The following RPH3AL variants were observed in gnomAD, a reference collection of about 807,000 sequenced individuals.
The protein encoded by RPH3AL is rabphilin 3A like (without C2 domains).
In RPH3AL, 38 loss-of-function variants were observed where a neutral mutation model predicts 43.1. The observed-to-expected ratio is 0.88, with a 90% CI of 0.68 to 1.15. The LOEUF is 1.15. RPH3AL is among the 50% of genes most tolerant of loss of function. The probability of loss-of-function intolerance (pLI) is 0.00; values close to 1 mark genes in which losing one functional copy is unlikely to be tolerated. For synonymous variants in RPH3AL, 189 were observed against 176.3 expected (o/e 1.07, Z -0.57); for missense variants, 462 against 423.2 (o/e 1.09, Z -0.81).
chr17:230,752 T>G (rs1325625061), intron 7 of RPH3AL, among the ~76,000 whole-genome samples: 1 of 152,190 alleles, frequency 6.6e-6, no homozygotes, highest in East Asian at 1.9e-4. Context: ...GGACGTGCTT[T>G]CGGGTGCATC....
rs908697185 is a variant in RPH3AL, at chr17:328,495, C to A, written c.-36-916G>T. Among the ~76,000 whole-genome samples the A allele has an allele frequency of 6.6e-5, 10 of 152,050 alleles. No homozygotes were observed. The highest frequency in any genetic ancestry group is 2.2e-4 in the African/African-American group (9 of 41,368). On this transcript the variant is annotated intron_variant, in intron 2 of 9. Coordinates refer to ENST00000331302, the MANE Select transcript of RPH3AL (RefSeq NM_006987.4). This position sits in a 1 kb window ranked among gnomAD's most constrained non-coding sequence, Gnocchi z 4.2. ...ATCCAGGTTCGAAATCCGTTTGACACTTCCTCAAAATGTTGAACACAGACT... is the reference window on the plus strand; with the variant it reads ...ATCCAGGTTCGAAATCCGTTTGACAATTCCTCAAAATGTTGAACACAGACT...
At chr17:269,650 G>A (rs1270339910) in intron 6 of RPH3AL, among the ~76,000 whole-genome samples, 1 of 152,236 alleles carries the variant, frequency 6.6e-6, no homozygotes, top group African/African-American at 2.4e-5. Context: ...CTGTCACAGA[G>A]GACAATGGGC....
rs2044354014 is a variant in RPH3AL, at chr17:318,189, C to A, written c.351+1231G>T. Among the ~76,000 whole-genome samples, 6 of 152,086 alleles carry A rather than the reference C, an allele frequency of 3.9e-5. 2 individuals are homozygous for A. The South Asian group carries it at 1.2e-3, about 32-fold the overall frequency. ...CCTGAGGTCAGGAGTTCAAGACCAG[C>A]CTGGCCAACATGGTGAAACCCTGTC... On this transcript the variant is annotated intron_variant, in intron 5 of 9. Coordinates refer to ENST00000331302, the MANE Select transcript of RPH3AL (RefSeq NM_006987.4).
At chr17:275,506 T>C (rs1196978505) in intron 6 of RPH3AL, among the ~76,000 whole-genome samples, 3 of 152,060 alleles carry the variant, frequency 2.0e-5, no homozygotes, top group Non-Finnish European at 4.4e-5. Flanking sequence ...ACGACTCCAG[T>C]GGTAATTAGT....
chr17:343,632 T>C (rs940804569), intron 1 of RPH3AL, among the ~76,000 whole-genome samples: 2 of 152,174 alleles, frequency 1.3e-5, no homozygotes, highest in African/African-American at 4.8e-5. Flanking sequence ...TTGGGAAGAA[T>C]AAATTCAACC....
At chr17:291,001 T>G (rs112116727) in intron 5 of RPH3AL, among the ~76,000 whole-genome samples, 2 of 151,824 alleles carry the variant, frequency 1.3e-5, no homozygotes, top group South Asian at 4.2e-4. Flanking sequence ...GGGCTGTTCA[T>G]GAGCCTCACT....
intron 1 of RPH3AL, among the ~76,000 whole-genome samples, chr17:347,025 G>A (rs947415246): frequency 1.5e-5 from 2 of 135,192 alleles, no homozygotes; most frequent in South Asian, 2.4e-4. Context: ...TTGGGAGGCC[G>A]AGGCGGGAGG....
In RPH3AL at chr17:215,693, C is replaced by T. The variant is rs377405189; in HGVS notation, c.837G>A (p.Pro279=). The part of the protein sequence containing the change: ...SGETGTGSAD[P]PGGPRPGLTR... ...TCAGCCCGGGGCGGGGTCCCCCTGGCGGGTCAGCAGAGCCTGTCCCCGTCT... is the reference window on the plus strand; with the variant it reads ...TCAGCCCGGGGCGGGGTCCCCCTGGTGGGTCAGCAGAGCCTGTCCCCGTCT... The change falls in exon 9 of 10, where the codon CCG becomes CCA. Residue 279 remains proline (P), a synonymous_variant. Coordinates refer to ENST00000331302, the MANE Select transcript of RPH3AL (RefSeq NM_006987.4). This position sits in a 1 kb window ranked among gnomAD's most constrained non-coding sequence, Gnocchi z 4.1. 58 of 1,275,158 alleles carry T rather than the reference C, an allele frequency of 4.5e-5. No individual in the cohort carries two copies. The highest frequency in any genetic ancestry group is 8.3e-5 in the Admixed American group (2 of 24,216). 79.0% of individuals were successfully genotyped at this position (1,275,158 alleles called of 1,614,324 possible). A position where few individuals can be genotyped will look rare whatever the true frequency, so the allele number is the denominator to read the frequency against.
intron 7 of RPH3AL, among the ~76,000 whole-genome samples, chr17:228,285 C>G (rs1049434131): frequency 6.6e-6 from 1 of 152,216 alleles, no homozygotes; most frequent in Admixed American, 6.5e-5. Context: ...TCAAACAATC[C>G]TCCCGCCTCG....
At chr17:317,929 T>TCCTCCAC (rs965119784) in intron 5 of RPH3AL, among the ~76,000 whole-genome samples, 2 of 70,308 alleles carry the variant, frequency 2.8e-5, no homozygotes, top group African/African-American at 1.1e-4. Flanking sequence ...CCATCCTCCA[T>TCCTCCAC]CCTCCACCCT....
At chr17:327,620 G>A (rs1041961553) in intron 2 of RPH3AL, 41 bp from the exon 3 acceptor site, 4 of 1,364,236 alleles carry the variant, frequency 2.9e-6, no homozygotes, top group East Asian at 2.4e-5. Flanking sequence ...TGCATCATTG[G>A]CTGGGGTACA....
At chr17:308,212 C>T (rs1203560061) in intron 5 of RPH3AL, among the ~76,000 whole-genome samples, 1 of 152,238 alleles carries the variant, frequency 6.6e-6, no homozygotes, top group Admixed American at 6.5e-5. Flanking sequence ...GCTGCTTCTA[C>T]AGCTCCAGCA....
At chr17:243,353 C>CCCTTCCTCTATTGATTAT (rs2041631882) in intron 7 of RPH3AL, among the ~76,000 whole-genome samples, 7 of 138,006 alleles carry the variant, frequency 5.1e-5, no homozygotes, top group Non-Finnish European at 9.6e-5. Context: ...CTACTGATTA[C>CCCTTCCTCTATTGATTAT]CCTTCCTCTA....
At chr17:253,709 C>T (rs11653399) in intron 6 of RPH3AL, among the ~76,000 whole-genome samples, 7,251 of 89,096 alleles carry the variant, frequency 0.081, 709 homozygotes, top group East Asian at 0.19. Flanking sequence ...TGAGGGGAGC[C>T]GCACGGCGTC....
At position 328,706 on chromosome 17, in the gene RPH3AL, T is replaced by G. The variant is rs562272960; in HGVS notation, c.-36-1127A>C. Among the ~76,000 whole-genome samples the G allele has an allele frequency of 3.9e-5, 6 of 152,156 alleles. No homozygotes were observed. Among genetic ancestry groups the G allele is most frequent in the South Asian group, 4.1e-4 (2 of 4,832 alleles). ...TGTGCTATATCCATACGATGATTAT[T>G]ATTTACAATGGATTATGATTTACAA... On this transcript the variant is annotated intron_variant, in intron 2 of 9. Coordinates refer to ENST00000331302, the MANE Select transcript of RPH3AL (RefSeq NM_006987.4). This position sits in a 1 kb window ranked among gnomAD's most constrained non-coding sequence, Gnocchi z 4.2.
intron 6 of RPH3AL, among the ~76,000 whole-genome samples, chr17:268,556 T>TG (rs973749426): frequency 8.1e-6 from 1 of 123,276 alleles, no homozygotes; most frequent in Non-Finnish European, 1.7e-5. Flanking sequence ...TTTTTGGGTT[T>TG]TTTTTTTTTT....
intron 5 of RPH3AL, among the ~76,000 whole-genome samples, chr17:307,447 C>A (rs193023807): frequency 6.6e-6 from 1 of 152,236 alleles, no homozygotes; most frequent in Non-Finnish European, 1.5e-5. Flanking sequence ...CTCCCCACAG[C>A]AGGTCTGCCC....
At chr17:335,179 C>T (rs572998686) in intron 1 of RPH3AL, among the ~76,000 whole-genome samples, 12 of 152,080 alleles carry the variant, frequency 7.9e-5, no homozygotes, top group Non-Finnish European at 1.5e-4. Context: ...GACCCCCGAG[C>T]GACTGTGACA....
chr17:241,711 C>CTTTTT (rs1001979455), intron 7 of RPH3AL, among the ~76,000 whole-genome samples: 4 of 92,780 alleles, frequency 4.3e-5, no homozygotes, highest in South Asian at 4.4e-4. Flanking sequence ...GTTTCTTTTT[C>CTTTTT]TTTTTTTTTC....
Sources: allele counts gnomAD v4.1 joint callset (sites outside exome capture counted in the v4.1 genomes callset), GRCh38; gene constraint gnomAD v4.1.1; non-coding constraint Gnocchi (gnomAD v3.1); transcripts MANE v1.5; gene names NCBI Gene and HGNC (gene_info 2026-07-23, HGNC 2026-07-21).